GARIN2: variants seen among roughly 807,000 people sequenced by gnomAD.
The protein encoded by GARIN2 is golgi associated RAB2 interactor family member 2.
At chr14:67,191,700 G>C in the GARIN2 span, among the ~76,000 whole-genome samples, 3 of 152,304 alleles carry the variant, frequency 2.0e-5, no homozygotes, top group East Asian at 1.9e-4. Context: ...TACACAGATA[G>C]GGAAGCCCTG....
chr14:67,202,097 A>G, the GARIN2 span, among the ~76,000 whole-genome samples: 5 of 152,330 alleles, frequency 3.3e-5, no homozygotes, highest in Admixed American at 3.3e-4. Flanking sequence ...GTCGATTGGT[A>G]CGTGTTCAGG....
At chr14:67,220,755 G>A in the GARIN2 span, among the ~76,000 whole-genome samples, 4 of 152,030 alleles carry the variant, frequency 2.6e-5, no homozygotes, top group South Asian at 2.1e-4. Flanking sequence ...TCTCAGTCTC[G>A]CTTAACCTTC....
chr14:67,196,357 C>T, the GARIN2 span, among the ~76,000 whole-genome samples: 2 of 152,080 alleles, frequency 1.3e-5, no homozygotes, highest in African/African-American at 2.4e-5. Flanking sequence ...GCTGGGATTA[C>T]AGGCACCTGT....
the GARIN2 span, among the ~76,000 whole-genome samples, chr14:67,213,288 A>G: frequency 6.8e-6 from 1 of 146,816 alleles, no homozygotes; most frequent in African/African-American, 2.5e-5. Flanking sequence ...AGCATTAGGT[A>G]TATCTCCTAA....
the GARIN2 span, chr14:67,200,400 T>C: frequency 1.7e-6 from 1 of 578,482 alleles, no homozygotes; most frequent in Non-Finnish European, 3.1e-6. Flanking sequence ...AGAGATGCTG[T>C]AGCTCCTTGG....
the GARIN2 span, among the ~76,000 whole-genome samples, chr14:67,222,615 G>T: frequency 8.1e-4 from 124 of 152,244 alleles, no homozygotes; most frequent in Admixed American, 1.4e-3. Context: ...GGGGAGTGAT[G>T]ATTTTTCTTT....
At chr14:67,193,231 T>C in the GARIN2 span, among the ~76,000 whole-genome samples, 1 of 139,736 alleles carries the variant, frequency 7.2e-6, no homozygotes, top group Non-Finnish European at 1.6e-5. Flanking sequence ...TATATATCTC[T>C]ATATAGACAT....
the GARIN2 span, among the ~76,000 whole-genome samples, chr14:67,224,396 C>A: frequency 3.3e-5 from 5 of 151,698 alleles, no homozygotes; most frequent in South Asian, 1.0e-3. Flanking sequence ...GTAGCTGGGA[C>A]TACAGATGCG....
chr14:67,190,701 A>C, the GARIN2 span, among the ~76,000 whole-genome samples: 1 of 152,162 alleles, frequency 6.6e-6, no homozygotes, highest in South Asian at 2.1e-4. Flanking sequence ...GGGCATGGGG[A>C]TATCATTTTC....
At chr14:67,197,190 A>G in the GARIN2 span, 1 of 152,230 alleles carries the variant, frequency 6.6e-6, no homozygotes, top group Admixed American at 6.5e-5. Flanking sequence ...TGGCCTCCCA[A>G]AGTGCTGGGA....
At chr14:67,217,594 A>G in the GARIN2 span, among the ~76,000 whole-genome samples, 154 of 152,102 alleles carry the variant, frequency 1.0e-3, no homozygotes, top group African/African-American at 3.6e-3. Context: ...AGTGAGTTTT[A>G]TAGTTTTGCA....
At chr14:67,225,926 AGTGTGTGT>A in the GARIN2 span, among the ~76,000 whole-genome samples, 2,502 of 136,720 alleles carry the variant, frequency 0.018, 58 homozygotes, top group African/African-American at 0.058. Flanking sequence ...TAATGCTGTG[AGTGTGTGT>A]GTGTGTGTGT....
At chr14:67,200,213 C>G in the GARIN2 span, 1 of 1,093,246 alleles carries the variant, frequency 9.1e-7, no homozygotes, top group Admixed American at 3.0e-5. Context: ...CCCATGGATA[C>G]ACTGGCCCTC....
the GARIN2 span, among the ~76,000 whole-genome samples, chr14:67,192,628 C>A: frequency 6.6e-6 from 1 of 151,474 alleles, no homozygotes; most frequent in Non-Finnish European, 1.5e-5. Context: ...TCAGTTTAAC[C>A]ACTGGCCACA....
chr14:67,199,060 C>T, the GARIN2 span: 1 of 810,054 alleles, frequency 1.2e-6, no homozygotes, highest in Non-Finnish European at 2.1e-6. Flanking sequence ...AGCTCTTTTG[C>T]CATGGCTACC....
the GARIN2 span, among the ~76,000 whole-genome samples, chr14:67,219,513 C>T: frequency 1.3e-5 from 2 of 152,182 alleles, no homozygotes; most frequent in African/African-American, 4.8e-5. Flanking sequence ...AGTCAGCCAT[C>T]TTGCTGACAT....
At chr14:67,202,155 T>C in the GARIN2 span, among the ~76,000 whole-genome samples, 1 of 152,044 alleles carries the variant, frequency 6.6e-6, no homozygotes, top group African/African-American at 2.4e-5. Flanking sequence ...AAAATTAAAT[T>C]ATAGGCCAGG....
At chr14:67,223,813 T>C in the GARIN2 span, 1 of 985,824 alleles carries the variant, frequency 1.0e-6, no homozygotes, top group East Asian at 1.1e-4. Context: ...TTCACTCTCC[T>C]CTAAATCACC....
At chr14:67,207,848 C>G in the GARIN2 span, among the ~76,000 whole-genome samples, 1 of 152,164 alleles carries the variant, frequency 6.6e-6, no homozygotes, top group African/African-American at 2.4e-5. Context: ...TAATTAAGAC[C>G]AAACTCAGAC....
Sources: gnomAD v4.1 joint callset for allele counts (sites outside exome capture counted in the v4.1 genomes callset) on GRCh38, gnomAD v4.1.1 for gene constraint, MANE v1.5 for transcripts, NCBI Gene and HGNC (gene_info 2026-07-23, HGNC 2026-07-21) for gene names.